The following TACC2 variants were observed in gnomAD, a reference collection of about 807,000 sequenced individuals.
The protein encoded by TACC2 is transforming acidic coiled-coil-containing protein 2.
TACC2 carries 137 observed loss-of-function variants against 227.3 expected under a neutral mutation model. That is an observed-to-expected ratio of 0.60 (90% CI 0.52 to 0.69). The LOEUF (loss-of-function observed/expected upper bound fraction) is 0.69. TACC2 is among the 30% of genes least tolerant of loss of function. The pLI is 0.00. For synonymous variants in TACC2, 1,523 were observed against 1,487.5 expected (o/e 1.02, Z -0.55); for missense variants, 3,470 against 3,694.4 (o/e 0.94, Z 1.57).
chr10:122,219,932 G>A (rs1207199246), intron 11 of TACC2, among the ~76,000 whole-genome samples: 1 of 151,872 alleles, frequency 6.6e-6, no homozygotes, highest in African/African-American at 2.4e-5. Context: ...CAGCTACTAG[G>A]GAGGCTGAGG....
At chr10:122,109,351 T>C (rs1196398539) in intron 5 of TACC2, among the ~76,000 whole-genome samples, 3 of 152,190 alleles carry the variant, frequency 2.0e-5, no homozygotes, top group African/African-American at 7.2e-5. Flanking sequence ...GTGGTTTTGA[T>C]TTGCATTTCC....
At position 122,008,546 on chromosome 10, in the gene TACC2, C is replaced by T. The variant is rs193283805; in HGVS notation, c.-45-13391C>T. On this transcript the variant is annotated intron_variant, in intron 1 of 22. Transcript: ENST00000369005. ...AAGTCCTGGGATTACAGGCATGAGC[C>T]ACTGCGCCCAGCACTATTATTATTT... is the stretch of plus-strand genomic sequence containing the variant. 6.6e-3 allele frequency among the ~76,000 whole-genome samples: 998 copies of T among 151,834 alleles called. 13 individuals are homozygous for T. The highest frequency in any genetic ancestry group is 0.012 in the Admixed American group (188 of 15,210).
chr10:122,235,605 CTG>C (rs2095842292), intron 16 of TACC2, among the ~76,000 whole-genome samples: 1 of 152,100 alleles, frequency 6.6e-6, no homozygotes, highest in African/African-American at 2.4e-5. Flanking sequence ...GTCTTGATCT[CTG>C]TGTCATTTTT....
At chr10:122,170,840 C>T (rs1232229492) in intron 7 of TACC2, among the ~76,000 whole-genome samples, 1 of 152,202 alleles carries the variant, frequency 6.6e-6, no homozygotes, top group Non-Finnish European at 1.5e-5. Context: ...CACCGTCCAG[C>T]CTCAGAGACT....
At chr10:122,114,780 G>A (rs1201902494) in intron 5 of TACC2, among the ~76,000 whole-genome samples, 1 of 152,202 alleles carries the variant, frequency 6.6e-6, no homozygotes, top group African/African-American at 2.4e-5. Context: ...TTATGGAACT[G>A]CCTTATGGAA....
chr10:121,993,619 T>G (rs1247774168), intron 1 of TACC2, among the ~76,000 whole-genome samples: 4 of 152,038 alleles, frequency 2.6e-5, no homozygotes, highest in African/African-American at 4.8e-5. Context: ...TTTGTTTGTT[T>G]TTTGTTTTTT....
intron 6 of TACC2, among the ~76,000 whole-genome samples, chr10:122,142,271 G>T (rs1393117552): frequency 6.6e-6 from 1 of 152,268 alleles, no homozygotes; most frequent in Non-Finnish European, 1.5e-5. Context: ...GTTGCAGCCA[G>T]TTGGACACTT....
chr10:122,070,260 T>C (rs895225340), intron 3 of TACC2, among the ~76,000 whole-genome samples: 2 of 152,186 alleles, frequency 1.3e-5, no homozygotes, highest in African/African-American at 4.8e-5. Flanking sequence ...CCCTGTTTTG[T>C]ACAATGTTTA....
At position 122,254,065 on chromosome 10, in the gene TACC2, C is replaced by T. The variant is rs759504397; in HGVS notation, c.*9C>T. On this transcript the variant is annotated 3_prime_UTR_variant, in exon 23 of 23. Coordinates refer to ENST00000369005, the MANE Select transcript of TACC2 (RefSeq NM_206862.4). ...AAATGGGGAAAAGCTAACTCTGAAC[C>T]GAATGTTTTGGACTTAACTGTTGCG... is the stretch of plus-strand genomic sequence containing the variant. 95 of 1,613,398 alleles carry T rather than the reference C, an allele frequency of 5.9e-5. No individual in the cohort carries two copies. Among genetic ancestry groups the T allele is most frequent in the South Asian group, 4.2e-4 (38 of 91,072 alleles).
intron 1 of TACC2, among the ~76,000 whole-genome samples, chr10:122,008,264 A>ATTATTATTATTTTATTT: frequency 8.2e-5 from 11 of 134,662 alleles, no homozygotes; most frequent in South Asian, 2.4e-4. Context: ...TATTATTATT[A>ATTATTATTATTTTATTT]TTTTTTTTTT....
In TACC2 at chr10:122,177,143, C is replaced by T. The variant is rs544580559; in HGVS notation, c.5835-17897C>T. Among the ~76,000 whole-genome samples, 208 of 152,308 alleles carry T rather than the reference C, an allele frequency of 1.4e-3. 1 individual carries two copies. The highest frequency in any genetic ancestry group is 2.7e-3 in the Non-Finnish European group (184 of 68,028). ...AGCCACTCCTGTGTCTGCAGTTTCT[C>T]AGAATAACCAGCCCCAAATATGACA... On this transcript the variant is annotated intron_variant, in intron 7 of 22. Transcript: ENST00000369005.
chr10:121,990,432 C>A (rs571808661), intron 1 of TACC2, among the ~76,000 whole-genome samples: 2 of 152,158 alleles, frequency 1.3e-5, no homozygotes, highest in South Asian at 4.2e-4. Flanking sequence ...TTTTAAATAT[C>A]AGGATATAGG....
intron 19 of TACC2, among the ~76,000 whole-genome samples, chr10:122,245,350 G>C (rs1398493424): frequency 6.6e-6 from 1 of 152,174 alleles, no homozygotes; most frequent in African/African-American, 2.4e-5. Flanking sequence ...TGGGAACGGG[G>C]TAATTCTATT....
At chr10:122,126,252 A>C (rs1354359119) in intron 5 of TACC2, among the ~76,000 whole-genome samples, 2 of 150,140 alleles carry the variant, frequency 1.3e-5, no homozygotes, top group Non-Finnish European at 3.0e-5. Flanking sequence ...TTTGTTCATG[A>C]CTTTATTTAG....
intron 7 of TACC2, among the ~76,000 whole-genome samples, chr10:122,164,639 C>T (rs921630514): frequency 6.6e-6 from 1 of 152,154 alleles, no homozygotes; most frequent in African/African-American, 2.4e-5. Flanking sequence ...TTATCCTGGC[C>T]GAGTGTTTAT....
chr10:122,238,064 G>C, intron 18 of TACC2, 27 bp downstream of exon 18: 2 of 1,580,612 alleles, frequency 1.3e-6, no homozygotes, highest in East Asian at 2.2e-5. Context: ...GGCCTTCCTC[G>C]TGCCTGAGGG....
At chr10:122,187,310 C>T (rs889390767) in intron 7 of TACC2, among the ~76,000 whole-genome samples, 3 of 152,102 alleles carry the variant, frequency 2.0e-5, no homozygotes, top group Non-Finnish European at 2.9e-5. Flanking sequence ...CAGCACTACC[C>T]GGAGCTCGCC....
intron 22 of TACC2, among the ~76,000 whole-genome samples, chr10:122,253,252 C>T (rs890485041): frequency 1.3e-5 from 2 of 152,182 alleles, no homozygotes; most frequent in Admixed American, 6.5e-5. Flanking sequence ...CATTGGAGAT[C>T]GGTCGTGCTG....
chr10:122,085,740 G>T lies in TACC2; in HGVS notation c.3240G>T (p.Glu1080Asp). Residue 1080 changes from glutamate to aspartate, a missense_variant, in exon 4 of 23, where the codon GAG (glutamate) becomes GAT (aspartate). By Grantham distance (45) the Glu-to-Asp change is conservative. Around this residue, in one of 10 missense-constraint regions of TACC2, gnomAD observed 1,924 missense variants for 1,978.3 expected, o/e 0.97. Coordinates refer to ENST00000369005, the MANE Select transcript of TACC2 (RefSeq NM_206862.4). ...VTPTQDAPETEACDETQEGRQ... is the reference protein window; with the variant it reads ...VTPTQDAPETDACDETQEGRQ... ...CCACCCAGGATGCCCCAGAGACAGAGGCATGTGATGAAACCCAGGAAGGCA... is the reference window on the plus strand; with the variant it reads ...CCACCCAGGATGCCCCAGAGACAGATGCATGTGATGAAACCCAGGAAGGCA... 2 of 1,613,872 alleles carry T rather than the reference G, an allele frequency of 1.2e-6. No individual in the cohort carries two copies.
Sources: gnomAD v4.1 joint callset for allele counts (sites outside exome capture counted in the v4.1 genomes callset) on GRCh38, gnomAD v4.1.1 for gene constraint, gnomAD v4.1.1 regional missense constraint, MANE v1.5 for transcripts, NCBI Gene and HGNC (gene_info 2026-07-23, HGNC 2026-07-21) for gene names.